Variants in LDLRAD3 observed in about 807,000 individuals in gnomAD.
The protein encoded by LDLRAD3 is low density lipoprotein receptor class A domain containing 3.
Under a neutral mutation model 29.4 loss-of-function variants are expected in LDLRAD3, and 20 were observed. That is an observed-to-expected ratio of 0.68 (90% CI 0.48 to 0.99). The LOEUF (loss-of-function observed/expected upper bound fraction) is 0.99. Among genes scored for constraint, LDLRAD3 ranks in the 50% least tolerant of loss-of-function variants. The pLI, the probability that LDLRAD3 is intolerant of heterozygous loss-of-function variation, is 0.00. For missense variants in LDLRAD3, 420 were observed against 454.3 expected, an observed-to-expected ratio of 0.92 and a Z score of 0.69; for synonymous variants, 157 against 192.7, an observed-to-expected ratio of 0.81 and a Z score of 1.53.
chr11:36,111,893 GGCCCA>G (rs1483553925), intron 4 of LDLRAD3, among the ~76,000 whole-genome samples: 3 of 152,164 alleles, frequency 2.0e-5, no homozygotes, highest in Non-Finnish European at 4.4e-5. Flanking sequence ...CACCACGCCC[GGCCCA>G]GTCTGGTTCA....
chr11:36,005,953 A>G (rs2133182419), intron 1 of LDLRAD3, among the ~76,000 whole-genome samples: 1 of 152,278 alleles, frequency 6.6e-6, no homozygotes, highest in East Asian at 1.9e-4. Flanking sequence ...GGGGAAATCC[A>G]TCCCCATGAT....
chr11:36,027,532 T>G (rs897252447), intron 1 of LDLRAD3, among the ~76,000 whole-genome samples: 5 of 152,244 alleles, frequency 3.3e-5, no homozygotes, highest in African/African-American at 1.2e-4. Flanking sequence ...CCTTTGAGTC[T>G]TATTTAAGAA....
intron 1 of LDLRAD3, among the ~76,000 whole-genome samples, chr11:35,950,924 A>T (rs1851125242): frequency 6.6e-6 from 1 of 152,110 alleles, no homozygotes; most frequent in Admixed American, 6.5e-5. Flanking sequence ...TCTTCTAAAA[A>T]TGCAAAACGT....
chr11:36,059,305 C>G (rs1269224103), intron 2 of LDLRAD3, among the ~76,000 whole-genome samples: 22 of 151,384 alleles, frequency 1.5e-4, no homozygotes, highest in Admixed American at 1.4e-3. Flanking sequence ...AGCAGTGAGC[C>G]ATGATTGTAC....
At chr11:36,180,265 G>GGCCCTGT (rs764154839) in intron 4 of LDLRAD3, among the ~76,000 whole-genome samples, 4 of 151,842 alleles carry the variant, frequency 2.6e-5, no homozygotes, top group Admixed American at 2.0e-4. Flanking sequence ...GTGGCCCAGA[G>GGCCCTGT]GACCTGAGTT....
At chr11:36,056,693 C>T (rs1852626055) in intron 2 of LDLRAD3, among the ~76,000 whole-genome samples, 1 of 152,192 alleles carries the variant, frequency 6.6e-6, no homozygotes, top group African/African-American at 2.4e-5. Context: ...AGCTCCTCAG[C>T]CCTGAAGGGT....
intron 1 of LDLRAD3, chr11:35,968,327 C>T (rs1265411352): frequency 8.3e-6 from 3 of 361,070 alleles, no homozygotes; most frequent in Non-Finnish European, 1.6e-5. Context: ...TGGAAGGAGG[C>T]TTTGCTGTTG....
chr11:36,089,745 G>T (rs949008501), intron 3 of LDLRAD3, among the ~76,000 whole-genome samples: 5 of 151,700 alleles, frequency 3.3e-5, no homozygotes, highest in Admixed American at 2.6e-4. Flanking sequence ...AAATACAGGT[G>T]CATGCCACCT....
chr11:35,997,079 G>A (rs919786152), intron 1 of LDLRAD3: 2 of 260,426 alleles, frequency 7.7e-6, no homozygotes, highest in South Asian at 4.2e-5. Flanking sequence ...ACAGCACTTG[G>A]CATACAAAAT....
At position 36,158,240 on chromosome 11, in the gene LDLRAD3, C is replaced by T. The variant is rs189578201; in HGVS notation, c.454+59779C>T. 1.7e-4 allele frequency among the ~76,000 whole-genome samples: 26 copies of T among 152,232 alleles called. No individual in the cohort carries two copies. The East Asian group carries it at 2.9e-3, about 17-fold the overall frequency. On this transcript the variant is annotated intron_variant, in intron 4 of 5. Coordinates refer to ENST00000315571, the MANE Select transcript of LDLRAD3 (RefSeq NM_174902.4). ...GCCTCAGCTGTGAGAGTTCCAGGCA[C>T]GTCACTGTCCGGGGGTAATTCCCTT...
intron 3 of LDLRAD3, among the ~76,000 whole-genome samples, chr11:36,084,849 T>G (rs1193803384): frequency 2.0e-5 from 3 of 152,260 alleles, no homozygotes; most frequent in Non-Finnish European, 2.9e-5. Flanking sequence ...TCAAGTAGAA[T>G]GTATTAATAG....
chr11:36,161,114 T>G (rs1219198532), intron 4 of LDLRAD3, among the ~76,000 whole-genome samples: 1 of 152,142 alleles, frequency 6.6e-6, no homozygotes, highest in East Asian at 1.9e-4. Context: ...ATCTTGAAGC[T>G]CTCAGAATGC....
intron 2 of LDLRAD3, among the ~76,000 whole-genome samples, chr11:36,038,435 C>A (rs1303544064): frequency 2.6e-5 from 4 of 152,114 alleles, no homozygotes; most frequent in African/African-American, 7.2e-5. Flanking sequence ...TACGGATTAT[C>A]GTTAGCTGAC....
intron 4 of LDLRAD3, among the ~76,000 whole-genome samples, chr11:36,122,563 A>G (rs1853774814): frequency 6.6e-6 from 1 of 152,224 alleles, no homozygotes; most frequent in African/African-American, 2.4e-5. Context: ...CGATGATGAT[A>G]ACAATAATAA....
intron 4 of LDLRAD3, among the ~76,000 whole-genome samples, chr11:36,126,597 C>T (rs1199430775): frequency 6.6e-6 from 1 of 152,096 alleles, no homozygotes; most frequent in East Asian, 1.9e-4. Context: ...GTCTGGAGCC[C>T]GGATCATCCA....
intron 1 of LDLRAD3, among the ~76,000 whole-genome samples, chr11:35,987,316 T>G (rs1251064179): frequency 6.6e-6 from 1 of 152,202 alleles, no homozygotes; most frequent in East Asian, 1.9e-4. Flanking sequence ...ATGAGGGTAT[T>G]GCAAGATGCT....
chr11:36,188,267 A>G (rs1854884057), intron 4 of LDLRAD3, among the ~76,000 whole-genome samples: 1 of 150,760 alleles, frequency 6.6e-6, no homozygotes, highest in South Asian at 2.1e-4. Context: ...TGTAGTTTAA[A>G]GTGGTAACTT....
At chr11:36,196,575 T>C (rs888759900) in intron 4 of LDLRAD3, 1 of 152,252 alleles carries the variant, frequency 6.6e-6, no homozygotes, top group African/African-American at 2.4e-5. Flanking sequence ...CTTCCAGTTT[T>C]ATCTCCTGCT....
At chr11:36,077,953 T>G (rs1853043198) in intron 2 of LDLRAD3, among the ~76,000 whole-genome samples, 2 of 152,070 alleles carry the variant, frequency 1.3e-5, no homozygotes, top group South Asian at 2.1e-4. Flanking sequence ...AAGTGGAGGG[T>G]GAGCAAGACA....
Sources: allele counts gnomAD v4.1 joint callset (sites outside exome capture counted in the v4.1 genomes callset), GRCh38; gene constraint gnomAD v4.1.1; transcripts MANE v1.5; gene names NCBI Gene and HGNC (gene_info 2026-07-23, HGNC 2026-07-21).